Variants in EFR3A observed in about 807,000 individuals in gnomAD.
EFR3A encodes the protein protein EFR3 homolog A.
A neutral mutation model predicts 104.4 loss-of-function variants in EFR3A; 76 were observed. The observed-to-expected ratio is 0.73, with a 90% CI of 0.60 to 0.88. The LOEUF is 0.88. Among genes scored for constraint, EFR3A ranks in the 40% least tolerant of loss-of-function variants. EFR3A has a pLI of 0.00. For missense variants in EFR3A, 985 were observed against 1,012.5 expected (o/e 0.97, Z 0.37); for synonymous variants, 330 against 330.0 (o/e 1.00, Z 0.00).
intron 4 of EFR3A, 41 bp downstream of exon 4, chr8:131,946,674 G>T: frequency 6.8e-7 from 1 of 1,465,996 alleles, no homozygotes; most frequent in Non-Finnish European, 9.1e-7. Context: ...TGCTTAATTA[G>T]CATATCTAGA....
chr8:131,969,142 G>A (rs1819915504), intron 9 of EFR3A, among the ~76,000 whole-genome samples: 2 of 152,100 alleles, frequency 1.3e-5, no homozygotes, highest in Admixed American at 6.6e-5. Flanking sequence ...TTGATAATGG[G>A]TTAATGAGAA....
At chr8:131,970,443 C>T in intron 9 of EFR3A, 33 bp from the exon 10 acceptor site, 1 of 1,595,866 alleles carries the variant, frequency 6.3e-7, no homozygotes, top group East Asian at 2.2e-5. Flanking sequence ...ATACTAGAAA[C>T]ATGTATCTTC....
intron 7 of EFR3A, 93 bp downstream of exon 7, chr8:131,955,998 ATG>A: frequency 7.1e-7 from 1 of 1,410,138 alleles, no homozygotes; most frequent in Non-Finnish European, 9.8e-7. Context: ...TTTTACTTGC[ATG>A]AGTGAGTTAT....
chr8:131,951,598 T>A (rs17561658), intron 5 of EFR3A, among the ~76,000 whole-genome samples: 15,499 of 152,144 alleles, frequency 0.1, 1,062 homozygotes, highest in Middle Eastern at 0.22. Flanking sequence ...ATGTAGTACG[T>A]TTTTCTAAGT....
chr8:131,915,661 A>C (rs1816710267), intron 1 of EFR3A, among the ~76,000 whole-genome samples: 2 of 152,190 alleles, frequency 1.3e-5, no homozygotes. Context: ...AGATGAGTGG[A>C]GGACAGCTTT....
Position 131,950,950 on chromosome 8 carries a change from G to T in EFR3A, c.488+860G>T, listed in dbSNP as rs1818671123. Among the ~76,000 whole-genome samples the T allele has an allele frequency of 2.0e-5, 3 of 152,184 alleles. No individual in the cohort carries two copies. The South Asian group carries it at 6.2e-4, about 32-fold the overall frequency. ...ACTTTAAAGTTAAGAAAGTCAAAAT[G>T]ACTTTAGGAAATATAGAAAGTAATT... On this transcript the variant is annotated intron_variant, in intron 5 of 22. Transcript: ENST00000254624.
At chr8:131,970,040 T>G (rs1290089733) in intron 9 of EFR3A, among the ~76,000 whole-genome samples, 3 of 152,222 alleles carry the variant, frequency 2.0e-5, no homozygotes, top group African/African-American at 7.2e-5. Flanking sequence ...TTGAGGCATA[T>G]TCTCCCTTCA....
chr8:131,947,273 G>A lies in EFR3A; in HGVS notation c.366+640G>A, dbSNP rs557349605. Among the ~76,000 whole-genome samples, 278 of 151,954 alleles carry A rather than the reference G, an allele frequency of 1.8e-3. 2 individuals are homozygous for A. Among genetic ancestry groups the A allele is most frequent in the African/African-American group, 6.5e-3 (270 of 41,454 alleles). On this transcript the variant is annotated intron_variant, in intron 4 of 22. Coordinates refer to ENST00000254624, the MANE Select transcript of EFR3A (RefSeq NM_015137.6). The stretch of plus-strand genomic sequence containing the variant: ...GATTTTCATTTCCCTAATGATTAAT[G>A]GTAAAACTCTGCACGTGCTCGTTGA...
intron 8 of EFR3A, among the ~76,000 whole-genome samples, 187 bp downstream of exon 8, chr8:131,959,850 A>G (rs1386399442): frequency 6.6e-6 from 1 of 152,214 alleles, no homozygotes; most frequent in African/African-American, 2.4e-5. Flanking sequence ...GATAGATCTA[A>G]TAAAAATAAC....
intron 1 of EFR3A, among the ~76,000 whole-genome samples, chr8:131,933,307 C>T (rs1021785004): frequency 6.6e-6 from 1 of 152,212 alleles, no homozygotes; most frequent in African/African-American, 2.4e-5. Context: ...GGTCCAGGGA[C>T]ATGGTCTTGA....
At chr8:131,962,313 C>T (rs1819402894) in intron 8 of EFR3A, among the ~76,000 whole-genome samples, 2 of 152,184 alleles carry the variant, frequency 1.3e-5, no homozygotes, top group African/African-American at 4.8e-5. Flanking sequence ...TTCAGGAAAC[C>T]CATCTCACGT....
chr8:131,973,983 C>T (rs1820203194), intron 10 of EFR3A, among the ~76,000 whole-genome samples: 1 of 152,068 alleles, frequency 6.6e-6, no homozygotes, highest in African/African-American at 2.4e-5. Flanking sequence ...CTTTAATAGT[C>T]GTTTGTCTAA....
intron 1 of EFR3A, among the ~76,000 whole-genome samples, chr8:131,920,565 C>G (rs1816961118): frequency 6.6e-6 from 1 of 152,178 alleles, no homozygotes; most frequent in Non-Finnish European, 1.5e-5. Flanking sequence ...CTTCCCCATT[C>G]TGTACCATCT....
At chr8:131,997,400 A>G (rs1821551862) in intron 19 of EFR3A, among the ~76,000 whole-genome samples, 1 of 152,052 alleles carries the variant, frequency 6.6e-6, no homozygotes, top group Non-Finnish European at 1.5e-5. Flanking sequence ...ATTTGTCTTC[A>G]GGTACTAAAC....
intron 8 of EFR3A, 46 bp downstream of exon 8, chr8:131,959,709 G>A (rs767805272): frequency 5.0e-6 from 7 of 1,411,440 alleles, no homozygotes; most frequent in South Asian, 2.6e-5. Flanking sequence ...AGTAATTTTG[G>A]TTCTCTATGG....
chr8:131,919,897 G>C (rs1050996653), intron 1 of EFR3A, among the ~76,000 whole-genome samples: 5 of 151,090 alleles, frequency 3.3e-5, no homozygotes, highest in Non-Finnish European at 5.9e-5. Context: ...TTATATTTAA[G>C]TTTAAAAACC....
intron 12 of EFR3A, among the ~76,000 whole-genome samples, chr8:131,978,112 A>G (rs1820414163): frequency 6.6e-6 from 1 of 152,132 alleles, no homozygotes; most frequent in South Asian, 2.1e-4. Context: ...TAAGTATTCC[A>G]TACATGTTTA....
At chr8:131,997,896 A>G (rs921330755) in intron 19 of EFR3A, among the ~76,000 whole-genome samples, 8 of 152,122 alleles carry the variant, frequency 5.3e-5, no homozygotes, top group Non-Finnish European at 1.0e-4. Flanking sequence ...ATTTTGATAA[A>G]ATCAACTGAA....
intron 1 of EFR3A, among the ~76,000 whole-genome samples, chr8:131,912,416 GT>G (rs1202654064): frequency 6.6e-6 from 1 of 152,110 alleles, no homozygotes; most frequent in Non-Finnish European, 1.5e-5. Context: ...ATCCTATGTG[GT>G]TAGAGTACAT....
Sources: allele counts gnomAD v4.1 joint callset (sites outside exome capture counted in the v4.1 genomes callset), GRCh38; gene constraint gnomAD v4.1.1; transcripts MANE v1.5; gene names NCBI Gene and HGNC (gene_info 2026-07-23, HGNC 2026-07-21).